GPR137B: variants seen among roughly 807,000 people sequenced by gnomAD.
The protein encoded by GPR137B is G protein-coupled receptor 137B.
A neutral mutation model predicts 42.5 loss-of-function variants in GPR137B; 42 were observed. That is an observed-to-expected ratio of 0.99 (90% CI 0.77 to 1.28). The LOEUF (loss-of-function observed/expected upper bound fraction) is 1.28, where lower values mean the gene tolerates loss of function less well. Ranked by LOEUF, GPR137B falls within the 50% of genes most tolerant of loss-of-function variation. The pLI, the probability that GPR137B is intolerant of heterozygous loss-of-function variation, is 0.00. For missense variants in GPR137B, 487 were observed against 493.9 expected, an observed-to-expected ratio of 0.99 and a Z score of 0.13; for synonymous variants, 218 against 209.7, an observed-to-expected ratio of 1.04 and a Z score of -0.34.
At position 236,155,634 on chromosome 1, in the gene GPR137B, GC is replaced by G. The variant is rs1260371073; in HGVS notation, c.414+12600del. ...CTGAGTTCTGCCTTCTGGGTGGCCA[GC>G]CTGTGTTGGCGCCGTTGGATGGAGT... On this transcript the variant is annotated intron_variant, in intron 1 of 6. Transcript: ENST00000366592. This position sits in a 1 kb window ranked among gnomAD's most constrained non-coding sequence, Gnocchi z 4.6. 1.3e-5 allele frequency among the ~76,000 whole-genome samples: 2 copies of G among 152,110 alleles called. No individual in the cohort carries two copies.
rs1042099574 is a variant in GPR137B at position 236,183,695 on chromosome 1, T to G, written c.838-83T>G. The G allele has an allele frequency of 2.3e-5, 22 of 956,730 alleles. No homozygotes were observed. In the Admixed American group the frequency reaches 4.9e-4, roughly 21 times the overall value. The allele number at this position is 956,730 out of a possible 1,614,324, so 59.3% of individuals were successfully genotyped here. A position where few individuals can be genotyped will look rare whatever the true frequency, so the allele number is the denominator to read the frequency against. On this transcript the variant is annotated intron_variant, in intron 4 of 6. Coordinates refer to ENST00000366592, the MANE Select transcript of GPR137B (RefSeq NM_003272.4). ...GAATTGTACTAGAGTATTAGAATTA[T>G]TCTCTGTTCACATTAGAAAGAAACA...
intron 1 of GPR137B, among the ~76,000 whole-genome samples, chr1:236,146,660 C>T (rs1350177312): frequency 2.0e-5 from 3 of 152,190 alleles, no homozygotes; most frequent in Non-Finnish European, 2.9e-5. Context: ...TACGCAGCCC[C>T]GGCTGCCCTT....
chr1:236,161,781 A>G (rs1662209796), intron 1 of GPR137B, among the ~76,000 whole-genome samples: 1 of 152,052 alleles, frequency 6.6e-6, no homozygotes, highest in South Asian at 2.1e-4. Flanking sequence ...GCCGCCATGT[A>G]AGAAATGCCT....
rs1662024815 is a variant in GPR137B at position 236,156,253 on chromosome 1, A to G, written c.415-12453A>G. Among the ~76,000 whole-genome samples, 1 of 152,226 alleles carries G rather than the reference A, an allele frequency of 6.6e-6. No homozygotes were observed. Among genetic ancestry groups the G allele is most frequent in the South Asian group, 2.1e-4 (1 of 4,830 alleles). On this transcript the variant is annotated intron_variant, in intron 1 of 6. Transcript: ENST00000366592. The surrounding 1 kb of genome is among the most constrained non-coding windows in gnomAD (Gnocchi z 4.8). ...CAGCTTCTTGGGCCACATGCTTGCC[A>G]AAGTCAAAGGTGGGAGGTGATGCGG...
chr1:236,189,528 A>AT (rs1196353168), intron 5 of GPR137B, among the ~76,000 whole-genome samples: 1 of 152,016 alleles, frequency 6.6e-6, no homozygotes, highest in Non-Finnish European at 1.5e-5. Context: ...TCTTTTTCTC[A>AT]TTGGTTTCAA....
At position 236,208,517 on chromosome 1, in the gene GPR137B, A is replaced by G; in HGVS notation, c.*359A>G. 2 of 949,092 alleles carry G rather than the reference A, an allele frequency of 2.1e-6. No homozygotes were observed. The highest frequency in any genetic ancestry group is 9.5e-5 in the South Asian group (2 of 21,032). The allele number at this position is 949,092 out of a possible 1,614,324, so 58.8% of individuals were successfully genotyped here. A position where few individuals can be genotyped will look rare whatever the true frequency, so the allele number is the denominator to read the frequency against. ...TAGTTTGCACAGACTTTTATGCATA[A>G]TTCACTTTAAAAATATAGAATATAT... On this transcript the variant is annotated 3_prime_UTR_variant, in exon 7 of 7. Transcript: ENST00000366592.
intron 5 of GPR137B, among the ~76,000 whole-genome samples, chr1:236,194,524 T>C (rs1663284696): frequency 6.6e-6 from 1 of 152,218 alleles, no homozygotes; most frequent in African/African-American, 2.4e-5. Flanking sequence ...ATAGCCGTCA[T>C]GTGGCCACCT....
chr1:236,208,167 AAC>A lies in GPR137B; in HGVS notation c.*11_*12del, dbSNP rs758014631. On this transcript the variant is annotated 3_prime_UTR_variant, in exon 7 of 7. Coordinates refer to ENST00000366592, the MANE Select transcript of GPR137B (RefSeq NM_003272.4). Reference sequence around the variant, plus strand: ...AACCAAGCCTTGGGTAGCATCAGTTAACAGTTTTATGGACGATTCCTCAGATG... The same window carrying A: ...AACCAAGCCTTGGGTAGCATCAGTTAAGTTTTATGGACGATTCCTCAGATG... 5 of 1,613,610 alleles carry A rather than the reference AAC, an allele frequency of 3.1e-6. No individual in the cohort carries two copies. The Admixed American group carries it at 5.0e-5, about 16-fold the overall frequency.
At chr1:236,157,448 C>T (rs1237941976) in intron 1 of GPR137B, among the ~76,000 whole-genome samples, 1 of 152,164 alleles carries the variant, frequency 6.6e-6, no homozygotes, top group Non-Finnish European at 1.5e-5. Flanking sequence ...TGGTCTTGAT[C>T]TCCTGACCTC....
chr1:236,162,669 G>A (rs891057035), intron 1 of GPR137B, among the ~76,000 whole-genome samples: 1 of 152,240 alleles, frequency 6.6e-6, no homozygotes, highest in Non-Finnish European at 1.5e-5. Flanking sequence ...TCGGGCTGTG[G>A]CTTCAGAGGG....
chr1:236,190,154 T>TTC (rs1558492952), intron 5 of GPR137B, among the ~76,000 whole-genome samples: 14 of 148,838 alleles, frequency 9.4e-5, no homozygotes, highest in Admixed American at 6.0e-4. Context: ...TCTTCTTTTT[T>TTC]TTTTTTTTTT....
chr1:236,169,489 CTA>C (rs1662470214), intron 2 of GPR137B, among the ~76,000 whole-genome samples: 1 of 152,164 alleles, frequency 6.6e-6, no homozygotes, highest in Non-Finnish European at 1.5e-5. Flanking sequence ...AGTGGACACT[CTA>C]TATTTGTAAC....
intron 1 of GPR137B, among the ~76,000 whole-genome samples, chr1:236,143,581 G>A (rs929666086): frequency 6.6e-6 from 1 of 152,184 alleles, no homozygotes; most frequent in Non-Finnish European, 1.5e-5. Flanking sequence ...ACAGAACTGC[G>A]GCTTACTAAC....
chr1:236,169,611 G>A (rs1004621162), intron 2 of GPR137B, among the ~76,000 whole-genome samples: 1 of 152,182 alleles, frequency 6.6e-6, no homozygotes, highest in African/African-American at 2.4e-5. Context: ...GCTTGTGCCA[G>A]AGTGTAATCT....
intron 3 of GPR137B, among the ~76,000 whole-genome samples, chr1:236,179,330 C>T (rs190185654): frequency 7.2e-5 from 11 of 152,290 alleles, no homozygotes; most frequent in Non-Finnish European, 1.6e-4. Context: ...TTTTAACTGT[C>T]TTTGGAAATT....
intron 1 of GPR137B, among the ~76,000 whole-genome samples, chr1:236,144,086 C>CTT (rs56006687): frequency 0.013 from 1,882 of 145,194 alleles, 46 homozygotes; most frequent in African/African-American, 0.043. Flanking sequence ...TTTTAAGTGT[C>CTT]TTTTTTTTTT....
At chr1:236,160,390 G>A (rs559917653) in intron 1 of GPR137B, among the ~76,000 whole-genome samples, 2 of 152,136 alleles carry the variant, frequency 1.3e-5, no homozygotes, top group Admixed American at 6.5e-5. Context: ...TCACTTCCCC[G>A]GGGTCCCTGT....
Position 236,205,187 on chromosome 1 carries a change from C to A in GPR137B, c.1028C>A (p.Pro343His). ...CCCAGATCTTATTTCTTTGACAACCCTCGAAGATATGACAGTGATGATGAC... is the reference window on the plus strand; with the variant it reads ...CCCAGATCTTATTTCTTTGACAACCATCGAAGATATGACAGTGATGATGAC... ...FSPRSYFFDN[P>H]RRYDSDDDLA... Residue 343 changes from proline to histidine, a missense_variant, in exon 6 of 7, where the codon CCT becomes CAT. Coordinates refer to ENST00000366592, the MANE Select transcript of GPR137B (RefSeq NM_003272.4). The A allele has an allele frequency of 6.2e-7, 1 of 1,612,162 alleles. No individual in the cohort carries two copies. The highest frequency in any genetic ancestry group is 8.5e-7 in the Non-Finnish European group (1 of 1,178,280).
intron 2 of GPR137B, among the ~76,000 whole-genome samples, chr1:236,169,214 G>A (rs1242831715): frequency 7.5e-6 from 1 of 133,642 alleles, no homozygotes; most frequent in Non-Finnish European, 1.5e-5. Context: ...GCAGGTGCAG[G>A]TACAGGTACA....
Sources: gnomAD v4.1 joint callset for allele counts (sites outside exome capture counted in the v4.1 genomes callset) on GRCh38, gnomAD v4.1.1 for gene constraint, Gnocchi (gnomAD v3.1) non-coding constraint, MANE v1.5 for transcripts, NCBI Gene and HGNC (gene_info 2026-07-23, HGNC 2026-07-21) for gene names.